SLC39A10: variants seen among roughly 807,000 people sequenced by gnomAD.
SLC39A10 encodes zinc transporter ZIP10.
SLC39A10 carries 13 observed loss-of-function variants against 65.1 expected under a neutral mutation model. That is an observed-to-expected ratio of 0.20 (90% CI 0.13 to 0.32). SLC39A10 has a LOEUF of 0.32. SLC39A10 is among the 10% of genes least tolerant of loss of function. The probability of loss-of-function intolerance (pLI) is 1.00; values close to 1 mark genes in which losing one functional copy is unlikely to be tolerated. For synonymous variants in SLC39A10, 321 were observed against 342.2 expected, an observed-to-expected ratio of 0.94 and a Z score of 0.68; for missense variants, 831 against 1,018.4, an observed-to-expected ratio of 0.82 and a Z score of 2.50.
chr2:195,720,060 G>A (rs1691971451), intron 8 of SLC39A10, among the ~76,000 whole-genome samples: 1 of 152,020 alleles, frequency 6.6e-6, no homozygotes, highest in Admixed American at 6.6e-5. Flanking sequence ...AAAGTCCTGG[G>A]ATTACAGGCA....
chr2:195,639,813 G>T (rs1688768894), intron 2 of SLC39A10, among the ~76,000 whole-genome samples: 1 of 152,044 alleles, frequency 6.6e-6, no homozygotes, highest in East Asian at 1.9e-4. Context: ...TGACCACCTG[G>T]CTCAGCCTCC....
In SLC39A10 at chr2:195,680,065, A is replaced by C; in HGVS notation, c.23A>C (p.Lys8Thr). MKVHMHT[K>T]FCLICLLTFI... Reference sequence around the variant, plus strand: ...GAAATGAAGGTACATATGCACACAAAATTTTGCCTCATTTGTTTGCTGACA... The same window carrying C: ...GAAATGAAGGTACATATGCACACAACATTTTGCCTCATTTGTTTGCTGACA... The change falls in exon 2 of 10, where the codon AAA becomes ACA. Residue 8 changes from lysine (K) to threonine (T), a missense_variant. By Grantham distance (78) the Lys-to-Thr change is moderately conservative. Around this residue, in one of 4 missense-constraint regions of SLC39A10, gnomAD observed 446 missense variants for 499.2 expected, o/e 0.89. Transcript: ENST00000359634. 1 of 1,602,212 alleles carries C rather than the reference A, an allele frequency of 6.2e-7. No homozygotes were observed. Among genetic ancestry groups the C allele is most frequent in the Non-Finnish European group, 8.5e-7 (1 of 1,176,902 alleles).
At position 195,716,650 on chromosome 2, in the gene SLC39A10, G is replaced by T; in HGVS notation, c.1710G>T (p.Ser570=). 6.2e-7 allele frequency: 1 copy of T among 1,604,526 alleles called. No individual in the cohort carries two copies. The highest frequency in any genetic ancestry group is 8.5e-7 in the Non-Finnish European group (1 of 1,175,924). The change falls in exon 7 of 10, where the codon TCG becomes TCT. Residue 570 remains serine (S), a synonymous_variant. Transcript: ENST00000359634. ...CTATAAATACAGGAACTGATGACTC[G>T]GTTGTTTCTGAAGATCGACTTAATG... ...QLKPLAGTDD[S]VVSEDRLNET... is the part of the protein sequence containing the mutation.
upstream of SLC39A10, among the ~76,000 whole-genome samples, chr2:195,652,662 T>TGTAA (rs201203451): frequency 0.62 from 93,533 of 151,230 alleles, 29,469 homozygotes; most frequent in Non-Finnish European, 0.69. Context: ...GAGAATAAAT[T>TGTAA]GTGTTTCTTA....
At chr2:195,644,337 A>ATTT (rs11356815) in intron 2 of SLC39A10, among the ~76,000 whole-genome samples, 2 of 86,012 alleles carry the variant, frequency 2.3e-5, no homozygotes, top group African/African-American at 4.6e-5. Flanking sequence ...TCTCAAATAA[A>ATTT]TTTTTTTTTT....
chr2:195,621,783 G>A (rs1241078807), intron 2 of SLC39A10, among the ~76,000 whole-genome samples: 1 of 152,128 alleles, frequency 6.6e-6, no homozygotes, highest in Non-Finnish European at 1.5e-5. Flanking sequence ...AATTCTTTGT[G>A]TTTTTATAGA....
At chr2:195,718,186 C>A in intron 7 of SLC39A10, 66 bp from the exon 8 acceptor site, 2 of 1,296,300 alleles carry the variant, frequency 1.5e-6, no homozygotes, top group South Asian at 1.3e-5. Context: ...CTGCATCTGT[C>A]ATTAATGAAA....
intron 8 of SLC39A10, among the ~76,000 whole-genome samples, chr2:195,720,905 A>G (rs1219577077): frequency 6.6e-6 from 1 of 152,214 alleles, no homozygotes; most frequent in Non-Finnish European, 1.5e-5. Context: ...AAAGTCTTCC[A>G]GTAGCTTTCC....
intron 5 of SLC39A10, 146 bp downstream of exon 5, chr2:195,708,990 A>G: frequency 1.6e-6 from 1 of 615,240 alleles, no homozygotes; most frequent in East Asian, 3.2e-5. Context: ...TAAAAAGCTG[A>G]CTTTGGTTTT....
upstream of SLC39A10, among the ~76,000 whole-genome samples, chr2:195,652,939 C>G (rs116597768): frequency 5.3e-3 from 813 of 152,238 alleles, 10 homozygotes; most frequent in African/African-American, 0.019. Flanking sequence ...TGTGAGGGAT[C>G]TAGGTTGTGC....
chr2:195,674,187 TTAAA>T (rs1361652312), intron 1 of SLC39A10, among the ~76,000 whole-genome samples: 2 of 152,214 alleles, frequency 1.3e-5, no homozygotes, highest in Non-Finnish European at 2.9e-5. Context: ...AGTGTAATCT[TTAAA>T]TAAATATACC....
chr2:195,663,149 C>G (rs1348504399), intron 1 of SLC39A10, among the ~76,000 whole-genome samples: 1 of 152,150 alleles, frequency 6.6e-6, no homozygotes, highest in African/African-American at 2.4e-5. Flanking sequence ...CCTTGTAACT[C>G]TCTCAGAGCA....
intron 2 of SLC39A10, among the ~76,000 whole-genome samples, chr2:195,615,081 A>AG (rs1371920877): frequency 6.6e-6 from 1 of 152,032 alleles, no homozygotes; most frequent in Non-Finnish European, 1.5e-5. Context: ...GGGAAAATAG[A>AG]GGGGGTCTGG....
intron 2 of SLC39A10, 69 bp from the exon 3 acceptor site, chr2:195,683,630 T>A: frequency 8.9e-7 from 1 of 1,124,422 alleles, no homozygotes; most frequent in Non-Finnish European, 1.3e-6. Context: ...TCTTAGGCAG[T>A]AATTTATTTT....
intron 6 of SLC39A10, among the ~76,000 whole-genome samples, chr2:195,714,565 C>A (rs1371754714): frequency 6.6e-6 from 1 of 152,106 alleles, no homozygotes; most frequent in Non-Finnish European, 1.5e-5. Flanking sequence ...CACCCCTCCC[C>A]CTCAGATTAT....
chr2:195,687,539 T>C (rs993622754), intron 3 of SLC39A10, among the ~76,000 whole-genome samples: 23 of 152,218 alleles, frequency 1.5e-4, no homozygotes, highest in African/African-American at 4.6e-4. Context: ...AAAACAAATA[T>C]GTTACTAATA....
intron 1 of SLC39A10, among the ~76,000 whole-genome samples, chr2:195,661,351 A>G (rs1311382288): frequency 6.6e-6 from 1 of 152,194 alleles, no homozygotes; most frequent in Non-Finnish European, 1.5e-5. Flanking sequence ...GAATGCTTAA[A>G]AGTATAGTAG....
intron 2 of SLC39A10, among the ~76,000 whole-genome samples, chr2:195,651,480 T>A (rs1213453479): frequency 6.6e-6 from 1 of 150,920 alleles, no homozygotes; most frequent in Admixed American, 6.6e-5. Context: ...CTTTCCCAAA[T>A]CTCTTTTTTT....
Position 195,708,740 on chromosome 2 carries a change from G to A in SLC39A10, c.1471G>A (p.Glu491Lys), listed in dbSNP as rs1002652596. 1 of 1,613,170 alleles carries A rather than the reference G, an allele frequency of 6.2e-7. No individual in the cohort carries two copies. The highest frequency in any genetic ancestry group is 8.5e-7 in the Non-Finnish European group (1 of 1,179,522). Residue 491 changes from glutamate to lysine, a missense_variant, in exon 5 of 10, where the codon GAA becomes AAA. By Grantham distance (56) the Glu-to-Lys change is moderately conservative (BLOSUM62 1). Transcript: ENST00000359634. ...HGHESNKFLEEYDAVLKGLVA... is the reference protein window; with the variant it reads ...HGHESNKFLEKYDAVLKGLVA... ...ACATGAATCTAACAAGTTTTTGGAA[G>A]AATATGATGCTGTATTGAAAGGACT...
Sources: gnomAD v4.1 joint callset for allele counts (sites outside exome capture counted in the v4.1 genomes callset) on GRCh38, gnomAD v4.1.1 for gene constraint, gnomAD v4.1.1 regional missense constraint, MANE v1.5 for transcripts, NCBI Gene and HGNC (gene_info 2026-07-23, HGNC 2026-07-21) for gene names.